Variants in SDK1 observed in about 807,000 individuals in gnomAD.
The protein encoded by SDK1 is protein sidekick-1.
In SDK1, 157 loss-of-function variants were observed where a neutral mutation model predicts 245.5. The observed-to-expected ratio is 0.64, with a 90% confidence interval of 0.56 to 0.73. The LOEUF is 0.73. SDK1 is among the 30% of genes least tolerant of loss of function. SDK1 has a pLI of 0.00. For missense variants in SDK1, 3,583 were observed against 3,002.3 expected, an observed-to-expected ratio of 1.19 and a Z score of -4.52; for synonymous variants, 1,647 against 1,278.5, an observed-to-expected ratio of 1.29 and a Z score of -6.15.
intron 1 of SDK1, among the ~76,000 whole-genome samples, chr7:3,372,713 T>G (rs955600482): frequency 6.6e-6 from 1 of 152,156 alleles, no homozygotes; most frequent in African/African-American, 2.4e-5. Context: ...GACTACATCC[T>G]TAGTGATCCA....
At chr7:3,712,452 T>C (rs1353683253) in intron 4 of SDK1, among the ~76,000 whole-genome samples, 1 of 152,196 alleles carries the variant, frequency 6.6e-6, no homozygotes, top group Admixed American at 6.5e-5. Flanking sequence ...TCATTATGTA[T>C]TACAGTGTAA....
chr7:3,508,815 G>A (rs1244421575), intron 1 of SDK1, among the ~76,000 whole-genome samples: 1 of 152,180 alleles, frequency 6.6e-6, no homozygotes, highest in Non-Finnish European at 1.5e-5. Context: ...ATTCTTTGAA[G>A]GCAGGAATGG....
Position 3,324,561 on chromosome 7 carries a change from G to A in SDK1, c.298+22677G>A, listed in dbSNP as rs549330084. The stretch of plus-strand genomic sequence containing the variant: ...ATGGGACCTAGTGATCAAAGATGAA[G>A]TGGAACTAGATACTTTATCTTCCCT... On this transcript the variant is annotated intron_variant, in intron 1 of 44. Transcript: ENST00000404826. Among the ~76,000 whole-genome samples the A allele has an allele frequency of 2.0e-5, 3 of 152,276 alleles. No individual in the cohort carries two copies. In the South Asian group the frequency reaches 6.2e-4, roughly 32 times the overall value.
At chr7:3,658,723 T>G (rs6943054) in intron 4 of SDK1, among the ~76,000 whole-genome samples, 32,047 of 150,064 alleles carry the variant, frequency 0.21, 3,705 homozygotes, top group South Asian at 0.34. Context: ...CAAGAAATCC[T>G]CATGTCTCAG....
At chr7:3,544,800 C>T (rs1008683845) in intron 1 of SDK1, among the ~76,000 whole-genome samples, 5 of 152,144 alleles carry the variant, frequency 3.3e-5, no homozygotes, top group Non-Finnish European at 7.4e-5. Flanking sequence ...TTATTTCCTG[C>T]TTAGGGTGCA....
chr7:4,211,617 C>A (rs1348228222), intron 38 of SDK1, among the ~76,000 whole-genome samples: 1 of 151,976 alleles, frequency 6.6e-6, no homozygotes, highest in Non-Finnish European at 1.5e-5. Flanking sequence ...GTTTTTGTTT[C>A]TGTTTTTTTT....
At chr7:3,620,645 A>T (rs1183251440) in intron 2 of SDK1, among the ~76,000 whole-genome samples, 10 of 151,982 alleles carry the variant, frequency 6.6e-5, no homozygotes, top group Non-Finnish European at 1.3e-4. Context: ...TTTTCTGTAA[A>T]AACCTTGCTT....
At chr7:3,849,944 G>A (rs1371632248) in intron 5 of SDK1, among the ~76,000 whole-genome samples, 2 of 152,186 alleles carry the variant, frequency 1.3e-5, no homozygotes, top group Admixed American at 1.3e-4. Flanking sequence ...GAATTCAGAA[G>A]TTTGGAAGAA....
chr7:3,380,336 T>C (rs1317863745), intron 1 of SDK1, among the ~76,000 whole-genome samples: 1 of 152,236 alleles, frequency 6.6e-6, no homozygotes, highest in Non-Finnish European at 1.5e-5. Context: ...TATCTCATAA[T>C]GTAATTGTTT....
chr7:4,167,091 C>G (rs1230260995), intron 32 of SDK1, among the ~76,000 whole-genome samples: 1 of 152,200 alleles, frequency 6.6e-6, no homozygotes, highest in Non-Finnish European at 1.5e-5. Context: ...CACACTCCTA[C>G]CAGGTCATTT....
At chr7:4,087,917 C>T (rs888641764) in intron 22 of SDK1, among the ~76,000 whole-genome samples, 5 of 152,166 alleles carry the variant, frequency 3.3e-5, no homozygotes, top group Admixed American at 2.6e-4. Flanking sequence ...TATTTTCTGC[C>T]TGTGTTGTTT....
At chr7:4,031,582 C>T (rs927783143) in intron 17 of SDK1, among the ~76,000 whole-genome samples, 3 of 150,354 alleles carry the variant, frequency 2.0e-5, no homozygotes, top group African/African-American at 4.8e-5. Flanking sequence ...CACACACTTA[C>T]ATATGTCAAG....
chr7:3,796,525 C>CA (rs1491045788), intron 4 of SDK1, among the ~76,000 whole-genome samples: 1 of 151,904 alleles, frequency 6.6e-6, no homozygotes, highest in Admixed American at 6.5e-5. Flanking sequence ...CCTCTCCCCC[C>CA]CAGCCTACAA....
At chr7:3,841,250 A>G (rs1780150172) in intron 5 of SDK1, among the ~76,000 whole-genome samples, 1 of 152,154 alleles carries the variant, frequency 6.6e-6, no homozygotes, top group South Asian at 2.1e-4. Context: ...CGAGACCCAG[A>G]GAGGGCTGTC....
At chr7:3,805,968 C>G (rs1241827469) in intron 4 of SDK1, among the ~76,000 whole-genome samples, 5 of 152,154 alleles carry the variant, frequency 3.3e-5, no homozygotes, top group Non-Finnish European at 5.9e-5. Context: ...TTTCGTGCTT[C>G]TCTCCTCAGT....
At chr7:4,021,087 G>A (rs1562682103) in intron 17 of SDK1, among the ~76,000 whole-genome samples, 1 of 152,180 alleles carries the variant, frequency 6.6e-6, no homozygotes. Context: ...AAGAATTGAT[G>A]TGAGCACCTG....
chr7:3,693,046 A>C (rs914707765), intron 4 of SDK1, among the ~76,000 whole-genome samples: 8 of 152,034 alleles, frequency 5.3e-5, no homozygotes, highest in African/African-American at 1.9e-4. Flanking sequence ...CATATTTTAG[A>C]CATATAATAA....
At chr7:3,858,899 G>T (rs1042928612) in intron 5 of SDK1, among the ~76,000 whole-genome samples, 19 of 137,032 alleles carry the variant, frequency 1.4e-4, no homozygotes, top group African/African-American at 5.6e-4. Context: ...GTCTCACTCT[G>T]TCACCCAGGC....
chr7:3,334,967 A>C (rs907563768), intron 1 of SDK1, among the ~76,000 whole-genome samples: 4 of 151,918 alleles, frequency 2.6e-5, no homozygotes, highest in African/African-American at 9.7e-5. Flanking sequence ...CAAATCTTGG[A>C]GTTATCCTTC....
Sources: gnomAD v4.1 joint callset for allele counts (sites outside exome capture counted in the v4.1 genomes callset) on GRCh38, gnomAD v4.1.1 for gene constraint, MANE v1.5 for transcripts, NCBI Gene and HGNC (gene_info 2026-07-23, HGNC 2026-07-21) for gene names.